Variants in AP3B2 observed in about 807,000 individuals in gnomAD.
The protein encoded by AP3B2 is adaptor related protein complex 3 subunit beta 2, also known as AP-3 complex subunit beta-2.
Under a neutral mutation model 126.9 loss-of-function variants are expected in AP3B2, and 50 were observed. The ratio of observed to expected loss-of-function variants is 0.39; its 90% CI spans 0.31 to 0.50. The LOEUF (loss-of-function observed/expected upper bound fraction) is 0.50, where lower values mean the gene tolerates loss of function less well. AP3B2 is among the 20% of genes least tolerant of loss of function. The probability of loss-of-function intolerance (pLI) is 0.79; values close to 1 mark genes in which losing one functional copy is unlikely to be tolerated. For missense variants in AP3B2, 1,177 were observed against 1,426.4 expected (o/e 0.83, Z 2.82); for synonymous variants, 541 against 565.0 (o/e 0.96, Z 0.60).
chr15:82,665,253 G>A lies in AP3B2; in HGVS notation c.2022C>T (p.Tyr674=), dbSNP rs1259911808. 1 of 1,539,252 alleles carries A rather than the reference G, an allele frequency of 6.5e-7. No homozygotes were observed. The highest frequency in any genetic ancestry group is 8.7e-7 in the Non-Finnish European group (1 of 1,148,444). ...IETHVGLLGE[Y]TEVPEWTKCS... is the part of the protein sequence containing the mutation. ...CGTCACACGAAGGTGGGACCTCAGT[G>A]TATTCGCCCAACAGGCCCACGTGAG... The change falls in exon 17 of 27, where the codon TAC becomes TAT. Residue 674 remains tyrosine, a synonymous_variant. Transcript: ENST00000535359. This position sits in a 1 kb window ranked among gnomAD's most constrained non-coding sequence, Gnocchi z 4.4.
chr15:82,679,612 G>T, intron 10 of AP3B2, 117 bp downstream of exon 10: 1 of 948,860 alleles, frequency 1.1e-6, no homozygotes, highest in Non-Finnish European at 1.6e-6. Flanking sequence ...GCAGTCATGG[G>T]CTCCTGGGCT....
chr15:82,694,701 C>A (rs938633971), intron 1 of AP3B2, among the ~76,000 whole-genome samples: 3 of 149,142 alleles, frequency 2.0e-5, no homozygotes, highest in African/African-American at 4.9e-5. Flanking sequence ...AAAAAAAAAA[C>A]AAGAAGTACT....
intron 14 of AP3B2, among the ~76,000 whole-genome samples, chr15:82,668,251 A>T (rs1244460666): frequency 6.6e-6 from 1 of 152,222 alleles, no homozygotes; most frequent in Non-Finnish European, 1.5e-5. Context: ...AGTCCCTTCC[A>T]GCAAAGCAGC....
intron 11 of AP3B2, 142 bp from the exon 12 acceptor site, chr15:82,677,945 C>T: frequency 2.2e-6 from 3 of 1,341,382 alleles, no homozygotes; most frequent in African/African-American, 1.5e-5. Flanking sequence ...ACCCCCAATC[C>T]AGTGATTCCT....
chr15:82,690,469 G>A, intron 1 of AP3B2, among the ~76,000 whole-genome samples: 1 of 150,916 alleles, frequency 6.6e-6, no homozygotes, highest in Non-Finnish European at 1.5e-5. Flanking sequence ...TGTTCTCATT[G>A]TTCAATTCCC....
intron 4 of AP3B2, chr15:82,686,504 C>T (rs967776057): frequency 2.6e-5 from 4 of 152,202 alleles, no homozygotes; most frequent in African/African-American, 9.7e-5. Flanking sequence ...GGAATAAATA[C>T]ATACCTATGA....
Position 82,664,852 on chromosome 15 carries a change from G to A in AP3B2, c.2120C>T (p.Thr707Met), listed in dbSNP as rs1468716786. Residue 707 changes from threonine (T) to methionine (M), a missense_variant, in exon 18 of 27, where the codon ACG (threonine) becomes ATG (methionine). Around this residue, in one of 5 missense-constraint regions of AP3B2, gnomAD observed 587 missense variants for 571.3 expected, o/e 1.03. Coordinates refer to ENST00000535359, the MANE Select transcript of AP3B2 (RefSeq NM_001278512.2). The surrounding 1 kb of genome is among the most constrained non-coding windows in gnomAD (Gnocchi z 4.5). ...CTGCTCACCACTGTCTGCGGACTCCGTGGGGCCTGACTCCCCCTCAGAGTC... is the reference window on the plus strand; with the variant it reads ...CTGCTCACCACTGTCTGCGGACTCCATGGGGCCTGACTCCCCCTCAGAGTC... ...YSDSEGESGP[T>M]ESADSDPESE... 19 of 1,596,006 alleles carry A rather than the reference G, an allele frequency of 1.2e-5. No homozygotes were observed. Among genetic ancestry groups the A allele is most frequent in the Non-Finnish European group, 1.6e-5 (19 of 1,171,158 alleles).
At chr15:82,675,351 C>T (rs1441778284) in intron 14 of AP3B2, among the ~76,000 whole-genome samples, 1 of 152,214 alleles carries the variant, frequency 6.6e-6, no homozygotes, top group African/African-American at 2.4e-5. Context: ...CTCCTGATTA[C>T]AGTCACAGCA....
At position 82,677,261 on chromosome 15, in the gene AP3B2, G is replaced by C. The variant is rs778763806; in HGVS notation, c.1488+13C>G. 3.1e-6 allele frequency: 5 copies of C among 1,589,888 alleles called. No homozygotes were observed. The highest frequency in any genetic ancestry group is 4.3e-6 in the Non-Finnish European group (5 of 1,164,402). ...CCTTGAAGTGGGGAGTGAAAATATGGCTTCTCCCTCACCTGGATGTTGTCT... is the reference window on the plus strand; with the variant it reads ...CCTTGAAGTGGGGAGTGAAAATATGCCTTCTCCCTCACCTGGATGTTGTCT... On this transcript the variant is annotated intron_variant, in intron 13 of 26. Transcript: ENST00000535359.
chr15:82,671,214 CAG>C (rs995329272), intron 14 of AP3B2, among the ~76,000 whole-genome samples: 1 of 152,086 alleles, frequency 6.6e-6, no homozygotes, highest in Non-Finnish European at 1.5e-5. Flanking sequence ...ACCACAGAGG[CAG>C]AGGTTGCAGT....
chr15:82,684,270 A>G (rs2048390579), intron 4 of AP3B2, among the ~76,000 whole-genome samples: 1 of 152,190 alleles, frequency 6.6e-6, no homozygotes, highest in South Asian at 2.1e-4. Flanking sequence ...TCTATCAATG[A>G]TCTTAGCTAG....
rs190029815 is a variant in AP3B2, at chr15:82,667,333, C to T, written c.1666-400G>A. 1.6e-3 allele frequency among the ~76,000 whole-genome samples: 241 copies of T among 152,320 alleles called. 2 individuals carry two copies. The highest frequency in any genetic ancestry group is 1.1e-3 in the Non-Finnish European group (76 of 68,018). ...TGCTGGACCTCACAGTTTCCAGGCT[C>T]CACCACCCAGGGGGAATTAGACAAC... On this transcript the variant is annotated intron_variant, in intron 14 of 26. Transcript: ENST00000535359.
At chr15:82,689,271 C>T in intron 2 of AP3B2, 39 bp from the exon 3 acceptor site, 11 of 1,612,896 alleles carry the variant, frequency 6.8e-6, no homozygotes, top group South Asian at 4.4e-5. Context: ...AGGGACAAAG[C>T]GAGAGGCACA....
At chr15:82,692,345 G>A in intron 1 of AP3B2, 1 of 543,848 alleles carries the variant, frequency 1.8e-6, no homozygotes, top group Non-Finnish European at 3.2e-6. Flanking sequence ...GCGCTCATCC[G>A]CCCAGCCCAA....
chr15:82,696,734 G>C (rs918082785), intron 1 of AP3B2, among the ~76,000 whole-genome samples: 1 of 152,218 alleles, frequency 6.6e-6, no homozygotes, highest in Non-Finnish European at 1.5e-5. Flanking sequence ...GCATGGGCTG[G>C]TATTCCTTGG....
chr15:82,677,940 C>T (rs1026637108), intron 11 of AP3B2, 137 bp from the exon 12 acceptor site: 28 of 1,344,982 alleles, frequency 2.1e-5, no homozygotes, highest in East Asian at 1.7e-4. Flanking sequence ...ACTCCACCCC[C>T]AATCCAGTGA....
chr15:82,695,689 A>G (rs922610370), intron 1 of AP3B2, among the ~76,000 whole-genome samples: 1 of 152,132 alleles, frequency 6.6e-6, no homozygotes, highest in Non-Finnish European at 1.5e-5. Flanking sequence ...AAATATAACT[A>G]AAGTTTCCCT....
chr15:82,677,919 A>AG, intron 11 of AP3B2, 116 bp from the exon 12 acceptor site: 2 of 1,389,542 alleles, frequency 1.4e-6, no homozygotes, highest in Non-Finnish European at 9.6e-7. Flanking sequence ...GACTTGGGAA[A>AG]GGGGGTGACA....
At chr15:82,673,924 CAT>C (rs1296855443) in intron 14 of AP3B2, among the ~76,000 whole-genome samples, 3 of 152,206 alleles carry the variant, frequency 2.0e-5, no homozygotes. Flanking sequence ...TCACCTGACA[CAT>C]AAAAGCAAAC....
Sources: gnomAD v4.1 joint callset for allele counts (sites outside exome capture counted in the v4.1 genomes callset) on GRCh38, gnomAD v4.1.1 for gene constraint, gnomAD v4.1.1 regional missense constraint, Gnocchi (gnomAD v3.1) non-coding constraint, MANE v1.5 for transcripts, NCBI Gene and HGNC (gene_info 2026-07-23, HGNC 2026-07-21) for gene names.